The following STK3 variants were observed in gnomAD, a reference collection of about 807,000 sequenced individuals.
The protein encoded by STK3 is serine/threonine-protein kinase 3.
STK3 carries 41 observed loss-of-function variants against 58.0 expected under a neutral mutation model. The ratio of observed to expected loss-of-function variants is 0.71; its 90% CI spans 0.55 to 0.92. STK3 has a LOEUF of 0.92. STK3 is among the 40% of genes least tolerant of loss of function. STK3 has a pLI of 0.00. For missense variants in STK3, 479 were observed against 602.7 expected (o/e 0.79, Z 2.15); for synonymous variants, 170 against 191.0 (o/e 0.89, Z 0.91).
At chr8:98,426,983 C>G (rs1818243496) in intron 3 of STK3, 1 of 150,440 alleles carries the variant, frequency 6.6e-6, no homozygotes, top group African/African-American at 2.4e-5. Context: ...CCGCGCAGGG[C>G]GGGCGCCCCG....
chr8:98,521,651 G>A (rs1043523403), intron 10 of STK3, among the ~76,000 whole-genome samples: 1 of 152,058 alleles, frequency 6.6e-6, no homozygotes, highest in Non-Finnish European at 1.5e-5. Flanking sequence ...TTCACCCTCT[G>A]ATCTGGATCT....
chr8:98,567,706 A>C (rs776602447), intron 8 of STK3, among the ~76,000 whole-genome samples: 1 of 152,160 alleles, frequency 6.6e-6, no homozygotes, highest in Non-Finnish European at 1.5e-5. Flanking sequence ...AATCACTGAA[A>C]TATACGGAGG....
chr8:98,740,581 G>T (rs1829109393), intron 4 of STK3, among the ~76,000 whole-genome samples: 1 of 152,128 alleles, frequency 6.6e-6, no homozygotes, highest in Non-Finnish European at 1.5e-5. Context: ...CCCTAAAAGA[G>T]CTCCTGAAGG....
intron 9 of STK3, among the ~76,000 whole-genome samples, chr8:98,527,302 T>A (rs1369870538): frequency 6.6e-6 from 1 of 152,178 alleles, no homozygotes; most frequent in Non-Finnish European, 1.5e-5. Flanking sequence ...GCATTGCTAT[T>A]GTTATTGTAC....
At chr8:98,767,096 G>GGGCAACAAC in intron 3 of STK3, 147 bp downstream of exon 3, 1 of 943,388 alleles carries the variant, frequency 1.1e-6, no homozygotes, top group Non-Finnish European at 1.5e-6. Flanking sequence ...ACTCCAGCCT[G>GGGCAACAAC]GGCAACAACG....
At chr8:98,906,426 G>A (rs1001094332) in intron 1 of STK3, 1 of 152,226 alleles carries the variant, frequency 6.6e-6, no homozygotes, top group African/African-American at 2.4e-5. Context: ...TTGTTCAGTA[G>A]TAGTTCTCAT....
intron 1 of STK3, among the ~76,000 whole-genome samples, chr8:98,915,606 A>G (rs1839319708): frequency 6.6e-6 from 1 of 151,696 alleles, no homozygotes; most frequent in South Asian, 2.1e-4. Context: ...CATTTGAGAA[A>G]TCTTTTTGAA....
chr8:98,354,017 C>A, the STK3 span, among the ~76,000 whole-genome samples: 1 of 152,158 alleles, frequency 6.6e-6, no homozygotes, highest in Non-Finnish European at 1.5e-5. Flanking sequence ...TTGGGGCAGG[C>A]CTGAGCCTGT....
At chr8:98,887,118 A>C (rs1838020417) in intron 1 of STK3, among the ~76,000 whole-genome samples, 1 of 152,112 alleles carries the variant, frequency 6.6e-6, no homozygotes, top group South Asian at 2.1e-4. Flanking sequence ...AAAAGAAATC[A>C]TCATTTGGTT....
At chr8:98,530,536 G>A (rs1050640316) in intron 9 of STK3, among the ~76,000 whole-genome samples, 1 of 152,190 alleles carries the variant, frequency 6.6e-6, no homozygotes, top group African/African-American at 2.4e-5. Context: ...GATTTGACTG[G>A]AGTGTCAGTG....
intron 6 of STK3, among the ~76,000 whole-genome samples, chr8:98,619,158 C>A (rs1016876095): frequency 2.6e-5 from 4 of 151,148 alleles, no homozygotes; most frequent in African/African-American, 9.8e-5. Flanking sequence ...AGAAGTAACG[C>A]CGCATACCTA....
At chr8:98,744,284 A>G (rs1364761344) in intron 4 of STK3, among the ~76,000 whole-genome samples, 1 of 152,126 alleles carries the variant, frequency 6.6e-6, no homozygotes, top group Non-Finnish European at 1.5e-5. Context: ...ATGCACACGT[A>G]TCTTTATTGC....
chr8:98,657,811 A>G (rs1821664692), intron 6 of STK3, among the ~76,000 whole-genome samples: 2 of 152,150 alleles, frequency 1.3e-5, no homozygotes, highest in East Asian at 1.9e-4. Flanking sequence ...ACACAGACAC[A>G]TTCTCAATAA....
intron 10 of STK3, among the ~76,000 whole-genome samples, chr8:98,496,549 T>C (rs1798705841): frequency 6.6e-6 from 1 of 152,180 alleles, no homozygotes; most frequent in South Asian, 2.1e-4. Flanking sequence ...GCTGACTTCT[T>C]TGCAGAAATT....
chr8:98,749,227 A>G, intron 4 of STK3, 49 bp downstream of exon 4: 1 of 1,358,782 alleles, frequency 7.4e-7, no homozygotes, highest in East Asian at 2.3e-5. Context: ...AGATTCTAAA[A>G]TATCAATCTT....
rs115943803 is a variant in STK3, at chr8:98,577,910, C to T, written c.948+1754G>A. ...AGTGTTTCAAGTACCGGGTATAGCACATGCAAAGGCCCTGAGTAAGGAAAG... is the reference window on the plus strand; with the variant it reads ...AGTGTTTCAAGTACCGGGTATAGCATATGCAAAGGCCCTGAGTAAGGAAAG... On this transcript the variant is annotated intron_variant, in intron 8 of 10. Transcript: ENST00000419617. 6.6e-3 allele frequency among the ~76,000 whole-genome samples: 999 copies of T among 151,772 alleles called. 7 individuals carry two copies. Among genetic ancestry groups the T allele is most frequent in the African/African-American group, 0.022 (921 of 41,350 alleles).
upstream of STK3, among the ~76,000 whole-genome samples, chr8:98,826,788 G>A (rs927635631): frequency 7.9e-6 from 1 of 125,954 alleles, no homozygotes; most frequent in African/African-American, 3.2e-5. Context: ...ACTTTGGGAG[G>A]CCAAGGCGGG....
chr8:98,580,172 ATTAATC>A (rs1399400902), intron 7 of STK3, among the ~76,000 whole-genome samples: 1 of 152,226 alleles, frequency 6.6e-6, no homozygotes, highest in East Asian at 1.9e-4. Context: ...ACGTAATTTA[ATTAATC>A]TTAATAAGTT....
At chr8:98,523,682 C>T (rs1338748185) in intron 10 of STK3, among the ~76,000 whole-genome samples, 2 of 151,978 alleles carry the variant, frequency 1.3e-5, no homozygotes, top group African/African-American at 4.8e-5. Context: ...GCCCCTTTGC[C>T]CATTTCTGAA....
Sources: allele counts gnomAD v4.1 joint callset (sites outside exome capture counted in the v4.1 genomes callset), GRCh38; gene constraint gnomAD v4.1.1; transcripts MANE v1.5; gene names NCBI Gene and HGNC (gene_info 2026-07-23, HGNC 2026-07-21).